GRK5: variants seen among roughly 807,000 people sequenced by gnomAD.
GRK5 encodes G protein-coupled receptor kinase 5, also known as g protein-coupled receptor kinase GRK5.
Under a neutral mutation model 78.4 loss-of-function variants are expected in GRK5, and 40 were observed. That is an observed-to-expected ratio of 0.51 (90% CI 0.40 to 0.66). GRK5 has a LOEUF of 0.66. GRK5 is among the 30% of genes least tolerant of loss of function. The probability of loss-of-function intolerance (pLI) is 0.00; values close to 1 mark genes in which losing one functional copy is unlikely to be tolerated. For missense variants in GRK5, 598 were observed against 759.9 expected (o/e 0.79, Z 2.50); for synonymous variants, 289 against 296.8 (o/e 0.97, Z 0.27).
chr10:119,291,777 C>T (rs1439530014), intron 1 of GRK5, among the ~76,000 whole-genome samples: 1 of 148,370 alleles, frequency 6.7e-6, no homozygotes, highest in Non-Finnish European at 1.5e-5. Flanking sequence ...CCTCCTTATC[C>T]TCATCCTCCT....
chr10:119,295,561 GTCAA>G (rs1480923181), intron 1 of GRK5, among the ~76,000 whole-genome samples: 1 of 152,074 alleles, frequency 6.6e-6, no homozygotes, highest in African/African-American at 2.4e-5. Context: ...CCAAATGCCT[GTCAA>G]TCAATGAGTA....
At chr10:119,391,637 C>T (rs1254858149) in intron 3 of GRK5, among the ~76,000 whole-genome samples, 1 of 152,148 alleles carries the variant, frequency 6.6e-6, no homozygotes, top group African/African-American at 2.4e-5. Context: ...CTGCGGTGCC[C>T]AGGCGGGGAC....
intron 2 of GRK5, among the ~76,000 whole-genome samples, chr10:119,369,369 G>C (rs1309242289): frequency 6.6e-6 from 1 of 152,160 alleles, no homozygotes; most frequent in African/African-American, 2.4e-5. Flanking sequence ...ACTGACCAAG[G>C]CTGTCCCAGG....
intron 2 of GRK5, among the ~76,000 whole-genome samples, chr10:119,340,657 A>C (rs999478907): frequency 6.6e-6 from 1 of 152,210 alleles, no homozygotes; most frequent in Non-Finnish European, 1.5e-5. Flanking sequence ...ATCATTTAAA[A>C]TGGAAACCTG....
chr10:119,449,020 C>A (rs1005412809), intron 13 of GRK5, among the ~76,000 whole-genome samples: 4 of 152,088 alleles, frequency 2.6e-5, no homozygotes, highest in African/African-American at 9.7e-5. Flanking sequence ...CGGCTCCTGC[C>A]ACGCTCCCGC....
In GRK5 at chr10:119,343,367, A is replaced by G. The variant is rs142583992; in HGVS notation, c.148+16756A>G. On this transcript the variant is annotated intron_variant, in intron 2 of 15. Coordinates refer to ENST00000392870, the MANE Select transcript of GRK5 (RefSeq NM_005308.3). The stretch of plus-strand genomic sequence containing the variant: ...CTTACTGTGGGCCAGGCACCAGGCT[A>G]TGTGCTTTGCAGACACACACTCGTC... 8.5e-3 allele frequency among the ~76,000 whole-genome samples: 1,296 copies of G among 152,280 alleles called. 20 individuals carry two copies. Among genetic ancestry groups the G allele is most frequent in the South Asian group, 0.066 (318 of 4,826 alleles).
chr10:119,410,132 A>T (rs909828029), intron 4 of GRK5, among the ~76,000 whole-genome samples: 1 of 152,216 alleles, frequency 6.6e-6, no homozygotes, highest in African/African-American at 2.4e-5. Context: ...TATCAAATTG[A>T]CAGAGCTCAG....
intron 9 of GRK5, among the ~76,000 whole-genome samples, chr10:119,438,489 A>G (rs548013298): frequency 2.4e-3 from 338 of 139,886 alleles, no homozygotes; most frequent in African/African-American, 8.3e-3. Flanking sequence ...TTCCCCCCAT[A>G]CCATCCCCCC....
intron 1 of GRK5, among the ~76,000 whole-genome samples, chr10:119,300,738 T>C (rs1233891158): frequency 6.6e-6 from 1 of 152,180 alleles, no homozygotes; most frequent in Non-Finnish European, 1.5e-5. Flanking sequence ...CCTTGAGGTT[T>C]ACAAAGGACT....
intron 8 of GRK5, among the ~76,000 whole-genome samples, chr10:119,432,837 G>A (rs1308050291): frequency 1.3e-5 from 2 of 152,198 alleles, no homozygotes; most frequent in African/African-American, 2.4e-5. Flanking sequence ...TTGGGAGGTC[G>A]AGGCAGACAG....
At chr10:119,407,130 C>A (rs935320883) in intron 4 of GRK5, among the ~76,000 whole-genome samples, 55 of 152,190 alleles carry the variant, frequency 3.6e-4, no homozygotes, top group Non-Finnish European at 6.5e-4. Flanking sequence ...CTGGACTTCT[C>A]TTTTTCCTCC....
intron 1 of GRK5, among the ~76,000 whole-genome samples, chr10:119,214,357 T>G (rs1317491037): frequency 2.6e-5 from 4 of 152,164 alleles, no homozygotes; most frequent in African/African-American, 9.7e-5. Context: ...GACTGGGGTG[T>G]GACCTCCTTA....
At chr10:119,357,994 T>A (rs1362077832) in intron 2 of GRK5, among the ~76,000 whole-genome samples, 1 of 152,148 alleles carries the variant, frequency 6.6e-6, no homozygotes, top group African/African-American at 2.4e-5. Context: ...GCTGCATCAA[T>A]CACACCCAAA....
chr10:119,430,315 T>C lies in GRK5; in HGVS notation c.534-60T>C, dbSNP rs1408542703. ...CCAGCTGCTCTCAATGTGCCACTGT[T>C]TCCTGTGGATTCTGAGTCTTGGCAC... On this transcript the variant is annotated intron_variant, in intron 6 of 15. Transcript: ENST00000392870. This position sits in a 1 kb window ranked among gnomAD's most constrained non-coding sequence, Gnocchi z 4.5. 6.8e-7 allele frequency: 1 copy of C among 1,468,448 alleles called. No individual in the cohort carries two copies. The highest frequency in any genetic ancestry group is 9.5e-7 in the Non-Finnish European group (1 of 1,049,048). 91.0% of individuals were successfully genotyped at this position (1,468,448 alleles called of 1,614,324 possible).
At chr10:119,427,193 G>GTA (rs1852702510) in intron 6 of GRK5, among the ~76,000 whole-genome samples, 1 of 147,950 alleles carries the variant, frequency 6.8e-6, no homozygotes, top group Admixed American at 6.7e-5. Context: ...GCCATCATCA[G>GTA]TATCACCGCC....
At chr10:119,222,827 A>T (rs1195174165) in intron 1 of GRK5, among the ~76,000 whole-genome samples, 3 of 152,202 alleles carry the variant, frequency 2.0e-5, no homozygotes, top group Non-Finnish European at 4.4e-5. Flanking sequence ...CCTCACACTG[A>T]AGCCAGCTCC....
intron 4 of GRK5, among the ~76,000 whole-genome samples, chr10:119,418,962 T>C (rs1852517431): frequency 6.6e-6 from 1 of 152,182 alleles, no homozygotes; most frequent in Admixed American, 6.5e-5. Context: ...GGGGGAAGCG[T>C]GGCACCCCTG....
chr10:119,242,396 A>T (rs555222756), intron 1 of GRK5, among the ~76,000 whole-genome samples: 1 of 151,530 alleles, frequency 6.6e-6, no homozygotes, highest in South Asian at 2.1e-4. Flanking sequence ...TGCTGCATTG[A>T]CGTCAGGAAG....
chr10:119,281,858 G>A (rs926668208), intron 1 of GRK5, among the ~76,000 whole-genome samples: 1 of 152,292 alleles, frequency 6.6e-6, no homozygotes, highest in Middle Eastern at 3.4e-3. Flanking sequence ...AGATGGATTC[G>A]GTAAAGACTA....
Sources: allele counts gnomAD v4.1 joint callset (sites outside exome capture counted in the v4.1 genomes callset), GRCh38; gene constraint gnomAD v4.1.1; non-coding constraint Gnocchi (gnomAD v3.1); transcripts MANE v1.5; gene names NCBI Gene and HGNC (gene_info 2026-07-23, HGNC 2026-07-21).